The following RNF128 variants were observed in gnomAD, a reference collection of about 807,000 sequenced individuals.
RNF128 encodes ring finger protein 128.
Under a neutral mutation model 26.2 loss-of-function variants are expected in RNF128, and 13 were observed. The observed-to-expected ratio is 0.50, with a 90% CI of 0.32 to 0.79. The LOEUF is 0.79. Among genes scored for constraint, RNF128 ranks in the 30% least tolerant of loss-of-function variants. The pLI, the probability that RNF128 is intolerant of heterozygous loss-of-function variation, is 0.03. For synonymous variants in RNF128, 149 were observed against 142.5 expected (o/e 1.05, Z -0.32); for missense variants, 315 against 349.7 (o/e 0.90, Z 0.79).
chrX:106,766,663 T>G (rs1480263972), intron 1 of RNF128, among the ~76,000 whole-genome samples: 1 of 112,002 alleles, frequency 8.9e-6, no homozygotes, highest in Non-Finnish European at 1.9e-5. Flanking sequence ...ATTCTGTAGG[T>G]TGCCTGTTCA....
chrX:106,768,569 T>C (rs1930298556), intron 1 of RNF128, among the ~76,000 whole-genome samples: 1 of 112,061 alleles, frequency 8.9e-6, no homozygotes, highest in South Asian at 3.7e-4. Flanking sequence ...ATATCCCCTT[T>C]ATCATTTTTT....
intron 3 of RNF128, among the ~76,000 whole-genome samples, chrX:106,787,398 A>G (rs1930675758): frequency 9.0e-6 from 1 of 111,255 alleles, no homozygotes; most frequent in Non-Finnish European, 1.9e-5. Flanking sequence ...GAAAGCCAAA[A>G]CTATAAAAAC....
At chrX:106,765,859 A>C (rs770223385) in intron 1 of RNF128, among the ~76,000 whole-genome samples, 14 of 107,498 alleles carry the variant, frequency 1.3e-4, no homozygotes, top group Admixed American at 1.1e-3. Context: ...TCCTAATGCT[A>C]TCCCCCCCAG....
chrX:106,722,370 T>A (rs1929328424), upstream of RNF128, among the ~76,000 whole-genome samples: 1 of 110,892 alleles, frequency 9.0e-6, no homozygotes, highest in Non-Finnish European at 1.9e-5. Context: ...GGGATCATGT[T>A]AAAAGACAGG....
rs1266529286 is a variant in RNF128 at position 106,791,175 on chromosome X, G to A, written c.1094G>A (p.Gly365Glu). 3.3e-6 allele frequency: 4 copies of A among 1,207,622 alleles called. No homozygotes were observed. The highest frequency in any genetic ancestry group is 4.5e-6 in the Non-Finnish European group (4 of 893,845). Reference protein sequence around the residue: ...EDNRSETASSGYASVQGTDEP... With the variant: ...EDNRSETASSEYASVQGTDEP... ...AATCGCAGCGAGACCGCATCATCTGGATATGCTTCAGTACAGGGAACAGAT... is the reference window on the plus strand; with the variant it reads ...AATCGCAGCGAGACCGCATCATCTGAATATGCTTCAGTACAGGGAACAGAT... The change falls in exon 6 of 7, where the codon GGA (glycine) becomes GAA (glutamate). Residue 365 changes from glycine (G) to glutamate (E), a missense_variant. Coordinates refer to ENST00000255499, the MANE Select transcript of RNF128 (RefSeq NM_194463.2).
At chrX:106,729,270 A>G (rs1602370281) in intron 1 of RNF128, among the ~76,000 whole-genome samples, 1 of 111,406 alleles carries the variant, frequency 9.0e-6, no homozygotes, top group South Asian at 3.8e-4. Flanking sequence ...CAGGCATTTT[A>G]GTCAAGATTG....
rs1929412099 is a variant in RNF128 at position 106,727,021 on chromosome X, C to G, written c.108C>G (p.Ser36=). Residue 36 remains serine, a synonymous_variant, in exon 1 of 7, where the codon TCC becomes TCG. Coordinates refer to ENST00000255499, the MANE Select transcript of RNF128 (RefSeq NM_194463.2). Reference sequence around the variant, plus strand: ...CCCTGAGTCCGCAGGCACCCGGTTCCCGGGGGGCTGAAGCAGTGTGGACCG... The same window carrying G: ...CCCTGAGTCCGCAGGCACCCGGTTCGCGGGGGGCTGAAGCAGTGTGGACCG... ...LLALSPQAPG[S]RGAEAVWTAY... The G allele has an allele frequency of 1.7e-6, 2 of 1,206,248 alleles. No homozygotes were observed. The highest frequency in any genetic ancestry group is 2.2e-6 in the Non-Finnish European group (2 of 893,302).
At chrX:106,712,791 C>T (rs1929148862) in intron 1 of RNF128, among the ~76,000 whole-genome samples, 1 of 111,096 alleles carries the variant, frequency 9.0e-6, no homozygotes, top group African/African-American at 3.3e-5. Context: ...ACTGAACATT[C>T]CACTTTTAGC....
chrX:106,788,055 C>A, intron 4 of RNF128, 55 bp downstream of exon 4: 2 of 688,816 alleles, frequency 2.9e-6, no homozygotes, highest in Non-Finnish European at 2.1e-6. Context: ...ACAAAAATGA[C>A]TGTGATGGAA....
intron 2 of RNF128, among the ~76,000 whole-genome samples, chrX:106,773,404 A>T (rs1569443715): frequency 8.9e-6 from 1 of 112,031 alleles, no homozygotes; most frequent in Non-Finnish European, 1.9e-5. Context: ...TCCAGCATTT[A>T]ATTACATATA....
At chrX:106,725,333 A>G (rs1239084327), upstream of RNF128, among the ~76,000 whole-genome samples, 1 of 111,994 alleles carries the variant, frequency 8.9e-6, no homozygotes, top group Non-Finnish European at 1.9e-5. Flanking sequence ...TGTTTGGTAT[A>G]TGATGTTAAT....
intron 6 of RNF128, among the ~76,000 whole-genome samples, chrX:106,793,536 A>G (rs1930863672): frequency 9.0e-6 from 1 of 111,052 alleles, no homozygotes; most frequent in Non-Finnish European, 1.9e-5. Context: ...AAAACTATAA[A>G]CTTGACTCAA....
At chrX:106,705,758 G>A (rs1054455167) in intron 1 of RNF128, among the ~76,000 whole-genome samples, 1 of 111,853 alleles carries the variant, frequency 8.9e-6, no homozygotes, top group Non-Finnish European at 1.9e-5. Flanking sequence ...TGCAGTTGGA[G>A]GCCACAGTAG....
At chrX:106,725,192 CAG>C (rs1486061168), upstream of RNF128, among the ~76,000 whole-genome samples, 1 of 111,674 alleles carries the variant, frequency 9.0e-6, no homozygotes, top group East Asian at 2.8e-4. Context: ...ATTTTTATCT[CAG>C]AGATTACCAT....
intron 1 of RNF128, among the ~76,000 whole-genome samples, chrX:106,741,201 A>G (rs1194193493): frequency 8.9e-6 from 1 of 111,926 alleles, no homozygotes; most frequent in Admixed American, 9.5e-5. Context: ...GCAATAGCAT[A>G]TCTTATTTTT....
chrX:106,779,071 A>C (rs940408034), intron 2 of RNF128, among the ~76,000 whole-genome samples: 14 of 111,625 alleles, frequency 1.3e-4, no homozygotes, highest in African/African-American at 4.2e-4. Context: ...TATAAGAAGA[A>C]CAGATTAAAT....
At chrX:106,777,695 T>TA (rs1418430229) in intron 2 of RNF128, among the ~76,000 whole-genome samples, 2 of 111,750 alleles carry the variant, frequency 1.8e-5, no homozygotes, top group Non-Finnish European at 3.8e-5. Context: ...AGATAAAATT[T>TA]ATTTTCTCTC....
chrX:106,761,251 T>C (rs1355362687), intron 1 of RNF128, among the ~76,000 whole-genome samples: 1 of 112,144 alleles, frequency 8.9e-6, no homozygotes, highest in Non-Finnish European at 1.9e-5. Flanking sequence ...CCAGTCAGTA[T>C]GGCTATTATT....
In RNF128 at chrX:106,766,587, C is replaced by A. The variant is rs541855621; in HGVS notation, c.485-6326C>A. On this transcript the variant is annotated intron_variant, in intron 1 of 6. Transcript: ENST00000255499. ...TTTGATTTTTTCTTGTAAATTTGTT[C>A]AAGTTCATTGTAGATTCTGGATATT... Among the ~76,000 whole-genome samples the A allele has an allele frequency of 1.5e-4, 17 of 111,664 alleles. 1 individual carries two copies. The highest frequency in any genetic ancestry group is 5.2e-4 in the African/African-American group (16 of 30,811).
Sources: allele counts gnomAD v4.1 joint callset (sites outside exome capture counted in the v4.1 genomes callset), GRCh38; gene constraint gnomAD v4.1.1; transcripts MANE v1.5; gene names NCBI Gene and HGNC (gene_info 2026-07-23, HGNC 2026-07-21).